Variants in RELN observed in about 807,000 individuals in gnomAD.
RELN encodes the protein reelin.
A neutral mutation model predicts 427.6 loss-of-function variants in RELN; 108 were observed. The ratio of observed to expected loss-of-function variants is 0.25; its 90% CI spans 0.22 to 0.30. The LOEUF (loss-of-function observed/expected upper bound fraction) is 0.30, where lower values mean the gene tolerates loss of function less well. Ranked by LOEUF, RELN falls within the 10% of genes least tolerant of loss-of-function variation. The pLI, the probability that RELN is intolerant of heterozygous loss-of-function variation, is 1.00. For synonymous variants in RELN, 1,524 were observed against 1,513.4 expected (o/e 1.01, Z -0.16); for missense variants, 3,715 against 4,302.8 (o/e 0.86, Z 3.82).
At chr7:103,571,415 T>C (rs1334127322) in intron 31 of RELN, among the ~76,000 whole-genome samples, 1 of 152,138 alleles carries the variant, frequency 6.6e-6, no homozygotes, top group Admixed American at 6.5e-5. Flanking sequence ...ACTGAATCAT[T>C]TGAGGCAGAA....
At position 103,528,484 on chromosome 7, in the gene RELN, G is replaced by GTTT. The variant is rs35464860; in HGVS notation, c.7350-4956_7350-4954dup. 6.4e-3 allele frequency among the ~76,000 whole-genome samples: 959 copies of GTTT among 148,718 alleles called. 7 individuals carry two copies. Among genetic ancestry groups the GTTT allele is most frequent in the Middle Eastern group, 0.021 (6 of 290 alleles). ...GGTGATGGTTTCAACAACCCTGTGG[G>GTTT]TTTTTTTTTTTATTTAGTAATGACT... On this transcript the variant is annotated intron_variant, in intron 46 of 64. Coordinates refer to ENST00000428762, the MANE Select transcript of RELN (RefSeq NM_005045.4).
At chr7:103,928,647 C>T (rs1795796382) in intron 1 of RELN, among the ~76,000 whole-genome samples, 1 of 152,192 alleles carries the variant, frequency 6.6e-6, no homozygotes, top group Non-Finnish European at 1.5e-5. Context: ...AGCCACTTTG[C>T]CTTTTATTAT....
chr7:103,691,633 C>T lies in RELN; in HGVS notation c.1143+6220G>A, dbSNP rs141233017. On this transcript the variant is annotated intron_variant, in intron 10 of 64. Coordinates refer to ENST00000428762, the MANE Select transcript of RELN (RefSeq NM_005045.4). ...TTCCAGACCAGCCTGCCTAACATGG[C>T]AAAACCCCATCTTTACTAAAAGTAC... Among the ~76,000 whole-genome samples the T allele has an allele frequency of 1.1e-3, 174 of 152,032 alleles. 1 individual carries two copies. Among genetic ancestry groups the T allele is most frequent in the Non-Finnish European group, 1.6e-3 (111 of 67,960 alleles).
At chr7:103,909,293 G>A (rs1040494403) in intron 2 of RELN, among the ~76,000 whole-genome samples, 6 of 151,930 alleles carry the variant, frequency 3.9e-5, no homozygotes, top group African/African-American at 1.5e-4. Context: ...TAGTCTTAAT[G>A]TGAAGGATAA....
chr7:103,829,338 T>C (rs781058159), intron 3 of RELN, among the ~76,000 whole-genome samples: 2 of 151,574 alleles, frequency 1.3e-5, no homozygotes, highest in Non-Finnish European at 2.9e-5. Context: ...CTCCTTCTCC[T>C]TCTTCTTTCC....
At chr7:103,882,460 T>TTTTTTTTATTTTTGTA (rs1794628670) in intron 2 of RELN, among the ~76,000 whole-genome samples, 1 of 151,940 alleles carries the variant, frequency 6.6e-6, no homozygotes, top group Admixed American at 6.6e-5. Flanking sequence ...GTCCGTAAAT[T>TTTTTTTTATTTTTGTA]TTTTTTTATT....
At chr7:103,589,031 T>A (rs1831347288) in intron 28 of RELN, among the ~76,000 whole-genome samples, 1 of 152,226 alleles carries the variant, frequency 6.6e-6, no homozygotes, top group Non-Finnish European at 1.5e-5. Context: ...TATGTGGGTG[T>A]ACCTAAAAAT....
At position 103,483,771 on chromosome 7, in the gene RELN, C is replaced by G; in HGVS notation, c.10063G>C (p.Val3355Leu). ...TATTGCAGCAGCACTGCCTTGTCCA[C>G]AGCGTGGGGGCCACTCAGGTCACTG... ...CNSDLSGPHAVDKAVLLQYSV... is the reference protein window; with the variant it reads ...CNSDLSGPHALDKAVLLQYSV... The change falls in exon 62 of 65, where the codon GTG (valine) becomes CTG (leucine). Residue 3355 changes from valine (V) to leucine (L), a missense_variant. Physicochemically the swap from Val to Leu is conservative, Grantham distance 32. Around this residue, in one of 4 missense-constraint regions of RELN, gnomAD observed 195 missense variants for 281.3 expected, o/e 0.69. Transcript: ENST00000428762. 6.2e-7 allele frequency: 1 copy of G among 1,614,094 alleles called. No homozygotes were observed. The highest frequency in any genetic ancestry group is 8.5e-7 in the Non-Finnish European group (1 of 1,179,930).
intron 3 of RELN, among the ~76,000 whole-genome samples, chr7:103,799,780 C>G (rs761223158): frequency 1.3e-5 from 2 of 152,134 alleles, no homozygotes; most frequent in South Asian, 4.1e-4. Context: ...AGCATAGGCC[C>G]TGGAATCTGA....
At chr7:103,566,169 A>G (rs1584301387) in intron 33 of RELN, 55 bp downstream of exon 33, 1 of 1,451,890 alleles carries the variant, frequency 6.9e-7, no homozygotes, top group East Asian at 2.3e-5. Context: ...ACTTTTAGTT[A>G]ATTTAGTCCT....
chr7:103,967,924 T>G (rs1341736675), intron 1 of RELN, among the ~76,000 whole-genome samples: 2 of 152,186 alleles, frequency 1.3e-5, no homozygotes, highest in African/African-American at 4.8e-5. Flanking sequence ...CAGGCCACTT[T>G]CCTGTCGCAC....
intron 50 of RELN, among the ~76,000 whole-genome samples, 165 bp from the exon 51 acceptor site, chr7:103,511,170 A>G (rs1829399434): frequency 6.6e-6 from 1 of 152,246 alleles, no homozygotes; most frequent in Non-Finnish European, 1.5e-5. Context: ...AGGAACATAA[A>G]TACTAGGAGG....
intron 1 of RELN, among the ~76,000 whole-genome samples, chr7:103,921,818 A>G (rs1795623086): frequency 6.7e-6 from 1 of 148,708 alleles, no homozygotes; most frequent in African/African-American, 2.6e-5. Context: ...CACGTTCTAT[A>G]CTTCTCTGCC....
chr7:103,879,010 T>C (rs891496117), intron 2 of RELN, among the ~76,000 whole-genome samples: 5 of 152,146 alleles, frequency 3.3e-5, no homozygotes, highest in African/African-American at 1.2e-4. Flanking sequence ...TGCTTATCAA[T>C]GCAAAGGAAA....
At chr7:103,686,572 G>A (rs565566058) in intron 10 of RELN, among the ~76,000 whole-genome samples, 1 of 151,002 alleles carries the variant, frequency 6.6e-6, no homozygotes, top group African/African-American at 2.5e-5. Context: ...AATTAAAATG[G>A]CATTGTTGGC....
chr7:103,510,600 T>G (rs992799112), intron 51 of RELN, among the ~76,000 whole-genome samples: 2 of 152,154 alleles, frequency 1.3e-5, no homozygotes, highest in African/African-American at 4.8e-5. Flanking sequence ...CTGCATGTTC[T>G]GCACGTGTAT....
At chr7:103,749,373 G>A (rs1216620136) in intron 6 of RELN, 53 bp downstream of exon 6, 100 of 1,326,544 alleles carry the variant, frequency 7.5e-5, no homozygotes, top group Non-Finnish European at 1.1e-4. Flanking sequence ...GGAGCAGTCA[G>A]CATCATTTGT....
chr7:103,989,472 G>A lies in RELN; in HGVS notation c.-116C>T. Reference sequence around the variant, plus strand: ...GAAGGCGAGAAGAAGGCGGACGGGAGCGGAACGGGCTCGGGAGCGGGCCTG... The same window carrying A: ...GAAGGCGAGAAGAAGGCGGACGGGAACGGAACGGGCTCGGGAGCGGGCCTG... On this transcript the variant is annotated 5_prime_UTR_variant, in exon 1 of 65. Coordinates refer to ENST00000428762, the MANE Select transcript of RELN (RefSeq NM_005045.4). The surrounding 1 kb of genome is among the most constrained non-coding windows in gnomAD (Gnocchi z 4.9). 1.1e-6 allele frequency: 1 copy of A among 911,964 alleles called. No individual in the cohort carries two copies. Among genetic ancestry groups the A allele is most frequent in the Non-Finnish European group, 1.5e-6 (1 of 667,524 alleles). The allele number at this position is 911,964 out of a possible 1,614,324, so 56.5% of individuals were successfully genotyped here. A position where few individuals can be genotyped will look rare whatever the true frequency, so the allele number is the denominator to read the frequency against.
intron 50 of RELN, among the ~76,000 whole-genome samples, chr7:103,511,297 A>T (rs1829404952): frequency 6.6e-6 from 1 of 152,186 alleles, no homozygotes; most frequent in East Asian, 1.9e-4. Context: ...GAAATAACTA[A>T]TTTTTTGACA....
Sources: gnomAD v4.1 joint callset for allele counts (sites outside exome capture counted in the v4.1 genomes callset) on GRCh38, gnomAD v4.1.1 for gene constraint, gnomAD v4.1.1 regional missense constraint, Gnocchi (gnomAD v3.1) non-coding constraint, MANE v1.5 for transcripts, NCBI Gene and HGNC (gene_info 2026-07-23, HGNC 2026-07-21) for gene names.